Variants in DNAH11 observed in about 807,000 individuals in gnomAD.
DNAH11 encodes the protein dynein axonemal heavy chain 11.
A neutral mutation model predicts 526.0 loss-of-function variants in DNAH11; 442 were observed. The ratio of observed to expected loss-of-function variants is 0.84; its 90% CI spans 0.78 to 0.91. DNAH11 has a LOEUF of 0.91. Among genes scored for constraint, DNAH11 ranks in the 40% least tolerant of loss-of-function variants. DNAH11 has a pLI of 0.00. For synonymous variants in DNAH11, 2,461 were observed against 1,935.9 expected (o/e 1.27, Z -7.12); for missense variants, 6,989 against 5,448.7 (o/e 1.28, Z -8.90).
Position 21,710,840 on chromosome 7 carries a change from T to C in DNAH11, c.6834+137T>C, listed in dbSNP as rs1206652732. ...ATGTAATTATTATTTTGATAAGTGT[T>C]GCTTTCCTGATAATTTTCTTAATTT... On this transcript the variant is annotated intron_variant, in intron 41 of 81. Coordinates refer to ENST00000409508, the MANE Select transcript of DNAH11 (RefSeq NM_001277115.2). 6.8e-6 allele frequency: 6 copies of C among 885,454 alleles called. No individual in the cohort carries two copies. In the African/African-American group the frequency reaches 8.7e-5, roughly 13 times the overall value. The allele number at this position is 885,454 out of a possible 1,614,324, so 54.8% of individuals were successfully genotyped here.
At chr7:21,546,294 T>C (rs1562651067) in intron 2 of DNAH11, among the ~76,000 whole-genome samples, 1 of 152,384 alleles carries the variant, frequency 6.6e-6, no homozygotes, top group East Asian at 1.9e-4. Flanking sequence ...TGGGTTTCCC[T>C]TCGCTCCTGT....
intron 42 of DNAH11, among the ~76,000 whole-genome samples, chr7:21,712,421 A>G (rs1035670992): frequency 1.3e-5 from 2 of 152,188 alleles, no homozygotes; most frequent in Non-Finnish European, 2.9e-5. Flanking sequence ...TCATATGTTA[A>G]TTCTAATTTT....
intron 35 of DNAH11, among the ~76,000 whole-genome samples, chr7:21,694,547 G>A (rs537846537): frequency 6.6e-6 from 1 of 152,274 alleles, no homozygotes; most frequent in East Asian, 1.9e-4. Context: ...TTTTATGGCT[G>A]CGTAGTATTC....
intron 25 of DNAH11, among the ~76,000 whole-genome samples, chr7:21,631,554 A>G (rs190032392): frequency 1.5e-4 from 23 of 152,360 alleles, no homozygotes; most frequent in Non-Finnish European, 2.8e-4. Context: ...AAATGGGAGA[A>G]AGCAGCCAAA....
At chr7:21,680,090 C>T (rs538065985) in intron 30 of DNAH11, among the ~76,000 whole-genome samples, 1 of 152,336 alleles carries the variant, frequency 6.6e-6, no homozygotes, top group Non-Finnish European at 1.5e-5. Flanking sequence ...GTTATCTCTT[C>T]CTCCCTTTCT....
intron 18 of DNAH11, 132 bp downstream of exon 18, chr7:21,601,750 A>T: frequency 1.6e-6 from 1 of 634,756 alleles, no homozygotes; most frequent in Non-Finnish European, 2.3e-6. Flanking sequence ...TTCAATTTAC[A>T]GGTTAGGAAT....
At chr7:21,577,558 C>G (rs541203410) in intron 8 of DNAH11, among the ~76,000 whole-genome samples, 27 of 152,294 alleles carry the variant, frequency 1.8e-4, no homozygotes, top group African/African-American at 6.5e-4. Context: ...CAAGTGGTAA[C>G]AAGGCCACCT....
intron 70 of DNAH11, among the ~76,000 whole-genome samples, chr7:21,865,021 A>T (rs1783219450): frequency 6.6e-6 from 1 of 152,188 alleles, no homozygotes; most frequent in African/African-American, 2.4e-5. Flanking sequence ...AAATCGTTTC[A>T]CCATTTTTCT....
At chr7:21,728,184 T>G (rs1275625202) in intron 45 of DNAH11, among the ~76,000 whole-genome samples, 1 of 146,626 alleles carries the variant, frequency 6.8e-6, no homozygotes, top group Non-Finnish European at 1.5e-5. Flanking sequence ...CCCCCAAAAT[T>G]CAAGTCCTGT....
In DNAH11 at chr7:21,784,430, A is replaced by G. The variant is rs373850047; in HGVS notation, c.9487A>G (p.Thr3163Ala). 2.5e-4 allele frequency: 401 copies of G among 1,611,818 alleles called. No homozygotes were observed. Among genetic ancestry groups the G allele is most frequent in the Non-Finnish European group, 3.3e-4 (388 of 1,178,594 alleles). The stretch of plus-strand genomic sequence containing the variant: ...TGTGCTTTTCCTCTTTAATTAGGTG[A>G]CAGCCATTCAGACTGAAGTGTTCCA... ...TIADAEERKV[T>A]AIQTEVFQKQ... Residue 3163 changes from threonine to alanine, a missense_variant, in exon 58 of 82, where the codon ACA becomes GCA. By Grantham distance (58) the Thr-to-Ala change is moderately conservative (BLOSUM62 0). Coordinates refer to ENST00000409508, the MANE Select transcript of DNAH11 (RefSeq NM_001277115.2).
At chr7:21,643,918 A>G (rs1166195189) in intron 28 of DNAH11, among the ~76,000 whole-genome samples, 1 of 152,216 alleles carries the variant, frequency 6.6e-6, no homozygotes, top group African/African-American at 2.4e-5. Context: ...TTTTTAAAAT[A>G]TGACTTAATG....
At chr7:21,606,398 T>C in intron 18 of DNAH11, 28 bp from the exon 19 acceptor site, 1 of 1,543,080 alleles carries the variant, frequency 6.5e-7, no homozygotes. Flanking sequence ...ATTGAAGTAA[T>C]TTCGCATTTG....
At chr7:21,624,961 A>G (rs934993156) in intron 25 of DNAH11, among the ~76,000 whole-genome samples, 1 of 151,882 alleles carries the variant, frequency 6.6e-6, no homozygotes, top group African/African-American at 2.4e-5. Flanking sequence ...GGATTTTTTT[A>G]ATGTATGTTC....
chr7:21,707,662 G>A (rs138497967), intron 39 of DNAH11, 37 bp from the exon 40 acceptor site: 2 of 1,598,646 alleles, frequency 1.3e-6, no homozygotes, highest in Admixed American at 1.8e-5. Flanking sequence ...GCTTATGTTA[G>A]TATTAATTTT....
intron 46 of DNAH11, among the ~76,000 whole-genome samples, chr7:21,737,218 T>G (rs1166510254): frequency 2.0e-5 from 3 of 152,186 alleles, no homozygotes; most frequent in Non-Finnish European, 4.4e-5. Context: ...GTGGGACACA[T>G]TCAATGAATT....
At position 21,885,187 on chromosome 7, in the gene DNAH11, A is replaced by AC. The variant is rs200397616; in HGVS notation, c.12507+777_12507+778insC. On this transcript the variant is annotated intron_variant, in intron 76 of 81. Transcript: ENST00000409508. The stretch of plus-strand genomic sequence containing the variant: ...AATGAACTATAAAAAAAAAAAAAAA[A>AC]ACACACACATTTATGACACAATGGG... Among the ~76,000 whole-genome samples the AC allele has an allele frequency of 1.9e-3, 288 of 147,880 alleles. 14 individuals carry two copies. Among genetic ancestry groups the AC allele is most frequent in the African/African-American group, 5.0e-3 (205 of 40,846 alleles).
intron 28 of DNAH11, among the ~76,000 whole-genome samples, chr7:21,640,453 T>C (rs1324550036): frequency 2.7e-5 from 4 of 149,768 alleles, no homozygotes; most frequent in African/African-American, 1.0e-4. Context: ...GCAAAATGAA[T>C]TTTCAATAAG....
At chr7:21,789,183 T>C in intron 60 of DNAH11, 58 bp from the exon 61 acceptor site, 1 of 1,228,558 alleles carries the variant, frequency 8.1e-7, no homozygotes. Context: ...ATCCATCCTA[T>C]CTGGGATTGA....
intron 2 of DNAH11, among the ~76,000 whole-genome samples, chr7:21,549,071 G>C (rs945767793): frequency 6.6e-6 from 1 of 152,032 alleles, no homozygotes; most frequent in Non-Finnish European, 1.5e-5. Context: ...TAGAGACAGG[G>C]TTTCGCCATG....
Sources: allele counts gnomAD v4.1 joint callset (sites outside exome capture counted in the v4.1 genomes callset), GRCh38; gene constraint gnomAD v4.1.1; transcripts MANE v1.5; gene names NCBI Gene and HGNC (gene_info 2026-07-23, HGNC 2026-07-21).